The following CSMD3 variants were observed in gnomAD, a reference collection of about 807,000 sequenced individuals.
The protein encoded by CSMD3 is CUB and sushi domain-containing protein 3.
In CSMD3, 177 loss-of-function variants were observed where a neutral mutation model predicts 435.2. That is an observed-to-expected ratio of 0.41 (90% CI 0.36 to 0.46). The LOEUF is 0.46. Ranked by LOEUF, CSMD3 falls within the 20% of genes least tolerant of loss-of-function variation. The pLI, the probability that CSMD3 is intolerant of heterozygous loss-of-function variation, is 0.34. For synonymous variants in CSMD3, 1,656 were observed against 1,520.5 expected (o/e 1.09, Z -2.07); for missense variants, 4,265 against 4,504.6 (o/e 0.95, Z 1.52).
intron 30 of CSMD3, among the ~76,000 whole-genome samples, chr8:112,494,388 T>A (rs1821011524): frequency 6.6e-6 from 1 of 151,610 alleles, no homozygotes; most frequent in Non-Finnish European, 1.5e-5. Context: ...ACGACCCTAC[T>A]ATTTTCTTTT....
At chr8:112,929,486 A>T (rs2083033720) in intron 9 of CSMD3, among the ~76,000 whole-genome samples, 1 of 152,062 alleles carries the variant, frequency 6.6e-6, no homozygotes, top group Non-Finnish European at 1.5e-5. Context: ...TTTTATGGAG[A>T]CTAAGAGATA....
At chr8:112,876,076 C>T (rs937560597) in intron 10 of CSMD3, among the ~76,000 whole-genome samples, 6 of 151,972 alleles carry the variant, frequency 3.9e-5, no homozygotes, top group Admixed American at 2.0e-4. Context: ...TCTTTGATGT[C>T]GGTGACCTTC....
Position 112,685,466 on chromosome 8 carries a change from G to A in CSMD3, c.2422C>T (p.Arg808Ter), listed in dbSNP as rs2131802835. The A allele has an allele frequency of 6.2e-7, 1 of 1,613,904 alleles. No homozygotes were observed. Among genetic ancestry groups the A allele is most frequent in the Non-Finnish European group, 8.5e-7 (1 of 1,179,916 alleles). Residue 808 changes from arginine (R) to a stop codon, truncating the protein, a stop_gained, in exon 15 of 71, where the codon CGA (arginine) becomes TGA (stop). Coordinates refer to ENST00000297405, the MANE Select transcript of CSMD3 (RefSeq NM_198123.2). LOFTEE classifies it high-confidence loss of function. The part of the protein sequence containing the change: ...SHLTSNSHIL[R>*]LEFQADHSMS... The stretch of plus-strand genomic sequence containing the variant: ...GAGTGGTCAGCCTGAAATTCCAATC[G>A]CAGTATGTGACTATTACTAGTAAGA...
intron 12 of CSMD3, among the ~76,000 whole-genome samples, chr8:112,807,488 ATAGGTAGGTAGGTAGGTAGGTAGGTAGG>A (rs34951713): frequency 7.7e-6 from 1 of 129,158 alleles, no homozygotes; most frequent in Non-Finnish European, 1.9e-5. Context: ...GCAATTCTTG[ATAGGTAGGTAGGTAGGTAGGTAGGTAGG>A]TAGGTAGGTA....
At chr8:112,315,095 C>T (rs1586745660) in intron 47 of CSMD3, among the ~76,000 whole-genome samples, 1 of 151,854 alleles carries the variant, frequency 6.6e-6, no homozygotes, top group Non-Finnish European at 1.5e-5. Context: ...CAAGTAAAAT[C>T]ATTTCTGATA....
intron 3 of CSMD3, among the ~76,000 whole-genome samples, chr8:113,244,065 C>T (rs1031779338): frequency 6.6e-6 from 1 of 152,064 alleles, no homozygotes; most frequent in Admixed American, 6.6e-5. Flanking sequence ...TGTATCTTCT[C>T]CAATACACAA....
At chr8:113,122,685 T>C (rs149240131) in intron 4 of CSMD3, among the ~76,000 whole-genome samples, 8 of 152,136 alleles carry the variant, frequency 5.3e-5, no homozygotes, top group Middle Eastern at 3.4e-3. Context: ...CTCCAGATGC[T>C]GGAAAAGCCA....
In CSMD3 at chr8:112,735,539, A is replaced by G. The variant is rs895945694; in HGVS notation, c.1973-45489T>C. ...ATTTTATGTTCCAGTATTGTGTTCT[A>G]GACTGGAAATACACAAAGATAAAGA... On this transcript the variant is annotated intron_variant, in intron 13 of 70. Transcript: ENST00000297405. Among the ~76,000 whole-genome samples the G allele has an allele frequency of 3.9e-5, 6 of 152,172 alleles. No individual in the cohort carries two copies. The East Asian group carries it at 1.2e-3, about 29-fold the overall frequency.
intron 4 of CSMD3, among the ~76,000 whole-genome samples, chr8:113,160,176 G>C (rs751685801): frequency 6.6e-6 from 1 of 151,916 alleles, no homozygotes; most frequent in Non-Finnish European, 1.5e-5. Flanking sequence ...TTATATGTAT[G>C]TATGACTTTG....
At chr8:112,620,223 C>T (rs1056036771) in intron 22 of CSMD3, among the ~76,000 whole-genome samples, 3 of 152,116 alleles carry the variant, frequency 2.0e-5, no homozygotes, top group East Asian at 3.9e-4. Flanking sequence ...TGATTTAGTT[C>T]CTACTTTGGG....
intron 27 of CSMD3, among the ~76,000 whole-genome samples, chr8:112,534,202 A>G (rs1586621166): frequency 6.6e-6 from 1 of 152,268 alleles, no homozygotes; most frequent in Non-Finnish European, 1.5e-5. Flanking sequence ...ATAGAGACAC[A>G]AAAAAGTCTT....
chr8:113,241,561 C>T (rs1231672278), intron 3 of CSMD3, among the ~76,000 whole-genome samples: 1 of 150,082 alleles, frequency 6.7e-6, no homozygotes, highest in Non-Finnish European at 1.5e-5. Flanking sequence ...TCTTCAAATG[C>T]TATTTGTAAA....
Position 112,287,222 on chromosome 8 carries a change from T to C in CSMD3, c.9173A>G (p.Asp3058Gly), listed in dbSNP as rs777001879. The change falls in exon 58 of 71, where the codon GAT becomes GGT. Residue 3058 changes from aspartate (D) to glycine (G), a missense_variant. Around this residue, in one of 3 missense-constraint regions of CSMD3, gnomAD observed 3,255 missense variants for 3,380.2 expected, o/e 0.96. Transcript: ENST00000297405. ...AGAGCCATGGCCGGGAGTACCTGGA[T>C]CGCCACATGTCCCAGTAGCATCACC... Reference protein sequence around the residue: ...CSGDATGTCGDPGTPGHGSRQ... With the variant: ...CSGDATGTCGGPGTPGHGSRQ... 1.9e-6 allele frequency: 3 copies of C among 1,613,650 alleles called. No individual in the cohort carries two copies. In the East Asian group the frequency reaches 6.7e-5, roughly 36 times the overall value.
chr8:112,301,851 A>C lies in CSMD3; in HGVS notation c.8382T>G (p.Ser2794=). 6.2e-7 allele frequency: 1 copy of C among 1,613,952 alleles called. No homozygotes were observed. Among genetic ancestry groups the C allele is most frequent in the South Asian group, 1.1e-5 (1 of 91,076 alleles). The change falls in exon 53 of 71, where the codon TCT becomes TCG. Residue 2794 remains serine, a synonymous_variant. Transcript: ENST00000297405. ...CTGAGGAAAGGCATTCCCTTACAGC[A>C]GAGCCCACAAGCATGAATCCCAAGT... ...TCDLGFMLVG[S]AVRECLSSGL...
At chr8:113,047,654 A>T (rs1202700239) in intron 5 of CSMD3, among the ~76,000 whole-genome samples, 1 of 152,224 alleles carries the variant, frequency 6.6e-6, no homozygotes, top group Admixed American at 6.5e-5. Flanking sequence ...TAATCAAAAT[A>T]AGTATCCTAG....
intron 10 of CSMD3, among the ~76,000 whole-genome samples, chr8:112,876,874 A>C (rs533585028): frequency 1.4e-4 from 22 of 152,320 alleles, no homozygotes; most frequent in African/African-American, 5.1e-4. Context: ...GTCTCAGCCC[A>C]AAAACTCTTT....
intron 31 of CSMD3, among the ~76,000 whole-genome samples, chr8:112,477,241 T>C (rs940047723): frequency 6.6e-6 from 1 of 152,212 alleles, no homozygotes; most frequent in African/African-American, 2.4e-5. Flanking sequence ...CTTTGCTTGA[T>C]TGCTGTGCTT....
At chr8:113,086,043 C>T (rs1417809040) in intron 5 of CSMD3, among the ~76,000 whole-genome samples, 1 of 152,032 alleles carries the variant, frequency 6.6e-6, no homozygotes, top group Non-Finnish European at 1.5e-5. Context: ...GGAGGCCATA[C>T]TGGCTAACAT....
chr8:112,440,088 G>A (rs1406387962), intron 32 of CSMD3, among the ~76,000 whole-genome samples: 1 of 152,098 alleles, frequency 6.6e-6, no homozygotes, highest in South Asian at 2.1e-4. Context: ...TCTGAATCAA[G>A]GCAAGTCCCT....
Sources: gnomAD v4.1 joint callset for allele counts (sites outside exome capture counted in the v4.1 genomes callset) on GRCh38, gnomAD v4.1.1 for gene constraint, gnomAD v4.1.1 regional missense constraint, MANE v1.5 for transcripts, NCBI Gene and HGNC (gene_info 2026-07-23, HGNC 2026-07-21) for gene names.